The following NCKAP5 variants were observed in gnomAD, a reference collection of about 807,000 sequenced individuals.
NCKAP5 encodes NCK associated protein 5.
A neutral mutation model predicts 167.0 loss-of-function variants in NCKAP5; 92 were observed. The observed-to-expected ratio is 0.55, with a 90% CI of 0.47 to 0.66. The LOEUF (loss-of-function observed/expected upper bound fraction) is 0.66. NCKAP5 is among the 30% of genes least tolerant of loss of function. NCKAP5 has a pLI of 0.00. For synonymous variants in NCKAP5, 891 were observed against 877.4 expected (o/e 1.02, Z -0.27); for missense variants, 2,378 against 2,315.0 (o/e 1.03, Z -0.56).
intron 6 of NCKAP5, among the ~76,000 whole-genome samples, chr2:133,050,543 C>A (rs2149483861): frequency 6.6e-6 from 1 of 152,272 alleles, no homozygotes; most frequent in Admixed American, 6.5e-5. Context: ...ACACTTTGTA[C>A]TAAATCTACT....
chr2:132,974,945 C>T (rs78538921), intron 7 of NCKAP5, among the ~76,000 whole-genome samples: 4,685 of 152,328 alleles, frequency 0.031, 170 homozygotes, highest in East Asian at 0.19. Context: ...GCTGCTCCAG[C>T]GTGCCCTGGT....
intron 3 of NCKAP5, among the ~76,000 whole-genome samples, chr2:133,359,329 A>T (rs573436572): frequency 6.6e-6 from 1 of 152,292 alleles, no homozygotes; most frequent in East Asian, 1.9e-4. Flanking sequence ...CCTACCCCAC[A>T]TCCGTCTTAC....
intron 3 of NCKAP5, among the ~76,000 whole-genome samples, chr2:133,333,556 A>G (rs1683013852): frequency 6.6e-6 from 1 of 152,198 alleles, no homozygotes; most frequent in Admixed American, 6.5e-5. Flanking sequence ...TACTATCCAC[A>G]TTAGCCACAC....
chr2:132,878,467 T>C (rs918660729), intron 9 of NCKAP5, among the ~76,000 whole-genome samples: 2 of 152,168 alleles, frequency 1.3e-5, no homozygotes, highest in Non-Finnish European at 1.5e-5. Flanking sequence ...TGCCCCGACA[T>C]GGTTCTTCTC....
At chr2:133,200,061 C>CTTTTTTT (rs70973417) in intron 5 of NCKAP5, among the ~76,000 whole-genome samples, 3,960 of 109,112 alleles carry the variant, frequency 0.036, 300 homozygotes, top group African/African-American at 0.11. Flanking sequence ...TTTTTTCTTT[C>CTTTTTTT]TTTTTTTTTT....
intron 3 of NCKAP5, among the ~76,000 whole-genome samples, chr2:133,512,323 T>C (rs569738093): frequency 6.6e-6 from 1 of 152,278 alleles, no homozygotes; most frequent in African/African-American, 2.4e-5. Context: ...TGCCCGCATA[T>C]CACATATACT....
chr2:133,208,903 C>G (rs2086082209), intron 5 of NCKAP5, among the ~76,000 whole-genome samples: 1 of 151,952 alleles, frequency 6.6e-6, no homozygotes, highest in Non-Finnish European at 1.5e-5. Context: ...TATAAGCAGT[C>G]AAGTAATTGA....
chr2:132,808,312 G>A (rs1435921086), intron 11 of NCKAP5, among the ~76,000 whole-genome samples: 3 of 151,986 alleles, frequency 2.0e-5, no homozygotes, highest in Admixed American at 2.0e-4. Context: ...TGTTTCTTGT[G>A]GAATAGTGTC....
intron 3 of NCKAP5, among the ~76,000 whole-genome samples, chr2:133,495,364 C>T (rs976009634): frequency 3.9e-5 from 6 of 152,082 alleles, no homozygotes; most frequent in South Asian, 2.1e-4. Flanking sequence ...CCACCCTACA[C>T]GCGATTCCAA....
chr2:133,569,801 T>G (rs1223399300), upstream of NCKAP5, among the ~76,000 whole-genome samples: 2 of 152,212 alleles, frequency 1.3e-5, no homozygotes, highest in East Asian at 1.9e-4. Flanking sequence ...TATGCTACTT[T>G]CATGTGGGAA....
intron 1 of NCKAP5, among the ~76,000 whole-genome samples, chr2:133,565,164 C>T (rs991351692): frequency 6.6e-6 from 1 of 152,070 alleles, no homozygotes; most frequent in Non-Finnish European, 1.5e-5. Flanking sequence ...ACATACAAGC[C>T]CAGCATATTT....
rs536573524 is a variant in NCKAP5, at chr2:132,972,129, G to A, written c.430-8260C>T. 6.2e-4 allele frequency among the ~76,000 whole-genome samples: 95 copies of A among 152,264 alleles called. 1 individual carries two copies. In the South Asian group the frequency reaches 0.019, roughly 31 times the overall value. On this transcript the variant is annotated intron_variant, in intron 7 of 19. Transcript: ENST00000409261. ...CATTAATAGTATACTGGAACAGTAG[G>A]TGTAACCAAACAAGCTGATACACAT...
chr2:133,329,207 T>C (rs893014229), intron 3 of NCKAP5, among the ~76,000 whole-genome samples: 1 of 152,200 alleles, frequency 6.6e-6, no homozygotes, highest in Admixed American at 6.5e-5. Flanking sequence ...GATCTGGGTC[T>C]GCTTTCCTTT....
chr2:133,332,817 G>A (rs1213913917), intron 3 of NCKAP5, among the ~76,000 whole-genome samples: 1 of 152,244 alleles, frequency 6.6e-6, no homozygotes, highest in Non-Finnish European at 1.5e-5. Context: ...GGTGACCCAA[G>A]GTGGGAGGTC....
intron 6 of NCKAP5, among the ~76,000 whole-genome samples, chr2:133,026,990 C>G (rs569950352): frequency 6.6e-6 from 1 of 152,154 alleles, no homozygotes; most frequent in African/African-American, 2.4e-5. Context: ...CATTCCAATG[C>G]GCCCTTACAA....
At chr2:133,025,990 G>A (rs1007609585) in intron 6 of NCKAP5, among the ~76,000 whole-genome samples, 8 of 151,928 alleles carry the variant, frequency 5.3e-5, no homozygotes, top group African/African-American at 9.7e-5. Context: ...CCTCTCCTCC[G>A]ACAGGCCCCA....
chr2:132,738,398 C>G (rs528076147), intron 16 of NCKAP5, among the ~76,000 whole-genome samples: 36 of 152,276 alleles, frequency 2.4e-4, no homozygotes, highest in Admixed American at 1.6e-3. Context: ...AACTCTGGCT[C>G]TCATCCCAAG....
chr2:133,538,522 A>G (rs2104868115), intron 2 of NCKAP5, among the ~76,000 whole-genome samples: 1 of 152,260 alleles, frequency 6.6e-6, no homozygotes, highest in South Asian at 2.1e-4. Flanking sequence ...TCCCTGGCAT[A>G]TATGAACAAA....
At chr2:132,801,308 G>A (rs1196423197) in intron 11 of NCKAP5, among the ~76,000 whole-genome samples, 7 of 152,150 alleles carry the variant, frequency 4.6e-5, no homozygotes, top group East Asian at 1.9e-4. Flanking sequence ...GCCATGATTC[G>A]TTTGGAGTTT....
Sources: allele counts gnomAD v4.1 joint callset (sites outside exome capture counted in the v4.1 genomes callset), GRCh38; gene constraint gnomAD v4.1.1; transcripts MANE v1.5; gene names NCBI Gene and HGNC (gene_info 2026-07-23, HGNC 2026-07-21).